Variants in C2orf76 observed in about 807,000 individuals in gnomAD.
The protein encoded by C2orf76 is chromosome 2 open reading frame 76.
Under a neutral mutation model 16.9 loss-of-function variants are expected in C2orf76, and 23 were observed. The ratio of observed to expected loss-of-function variants is 1.36; its 90% CI spans 0.98 to 1.93. The LOEUF is 1.93. C2orf76 is among the 30% of genes most tolerant of loss of function. The pLI is 0.00. For synonymous variants in C2orf76, 48 were observed against 52.3 expected (o/e 0.92, Z 0.35); for missense variants, 152 against 152.6 (o/e 1.00, Z 0.02).
chr2:119,319,230 A>G (rs562450360), intron 3 of C2orf76, among the ~76,000 whole-genome samples: 1 of 152,328 alleles, frequency 6.6e-6, no homozygotes, highest in African/African-American at 2.4e-5. Flanking sequence ...TGGCAAACAC[A>G]CAATTAAACG....
the C2orf76 span, among the ~76,000 whole-genome samples, chr2:119,282,907 C>G: frequency 6.6e-6 from 1 of 152,352 alleles, no homozygotes; most frequent in African/African-American, 2.4e-5. Flanking sequence ...CTTCAAAACT[C>G]AAGGCTGCGG....
At chr2:119,298,457 CATT>C (rs1247351721), downstream of C2orf76, among the ~76,000 whole-genome samples, 5 of 151,528 alleles carry the variant, frequency 3.3e-5, no homozygotes, top group Non-Finnish European at 7.4e-5. Context: ...AGTTCTGTAT[CATT>C]ACCAACTTGT....
At chr2:119,304,981 C>A (rs1010504008) in intron 5 of C2orf76, among the ~76,000 whole-genome samples, 1 of 152,132 alleles carries the variant, frequency 6.6e-6, no homozygotes, top group African/African-American at 2.4e-5. Context: ...GGGGATGAAC[C>A]CTCAGGAAGT....
intron 1 of C2orf76, among the ~76,000 whole-genome samples, chr2:119,343,449 C>A (rs1227824003): frequency 2.0e-5 from 3 of 147,924 alleles, no homozygotes; most frequent in Non-Finnish European, 4.4e-5. Flanking sequence ...CCCTCCCATA[C>A]ACACGCATAT....
chr2:119,301,128 C>A (rs1242511073), downstream of C2orf76, among the ~76,000 whole-genome samples: 6 of 146,694 alleles, frequency 4.1e-5, no homozygotes, highest in Non-Finnish European at 7.4e-5. Flanking sequence ...CAACAATGCT[C>A]TGATGGCAGC....
chr2:119,287,701 T>C, the C2orf76 span, among the ~76,000 whole-genome samples: 1 of 152,190 alleles, frequency 6.6e-6, no homozygotes, highest in African/African-American at 2.4e-5. Context: ...TTAACTGACA[T>C]GAAGTTCTGG....
intron 2 of C2orf76, among the ~76,000 whole-genome samples, chr2:119,330,152 C>G (rs1679627364): frequency 1.3e-5 from 2 of 152,142 alleles, no homozygotes; most frequent in South Asian, 4.1e-4. Flanking sequence ...GGAGGGCAGA[C>G]CACTTGAGGT....
chr2:119,306,798 T>C (rs1309213053), intron 5 of C2orf76, among the ~76,000 whole-genome samples: 1 of 151,784 alleles, frequency 6.6e-6, no homozygotes, highest in Non-Finnish European at 1.5e-5. Flanking sequence ...AAAACTCCAC[T>C]GACGTCAGGT....
intron 3 of C2orf76, among the ~76,000 whole-genome samples, chr2:119,317,753 T>G (rs56195950): frequency 0.019 from 2,882 of 152,284 alleles, 84 homozygotes; most frequent in African/African-American, 0.064. Flanking sequence ...CAGAACTTTT[T>G]GTCAACTCAG....
intron 1 of C2orf76, chr2:119,366,270 C>T (rs1300606990): frequency 1.1e-5 from 4 of 378,964 alleles, no homozygotes; most frequent in African/African-American, 8.4e-5. Flanking sequence ...AACAGCCATT[C>T]ATTTAACAAA....
At chr2:119,302,593 TAAA>T in intron 5 of C2orf76, 45 bp from the exon 6 acceptor site, 1 of 1,216,452 alleles carries the variant, frequency 8.2e-7, no homozygotes, top group Non-Finnish European at 1.1e-6. Context: ...AATGTAAATC[TAAA>T]TTTTAAACAA....
intron 1 of C2orf76, among the ~76,000 whole-genome samples, chr2:119,342,063 A>G (rs1680048243): frequency 6.6e-6 from 1 of 152,214 alleles, no homozygotes. Context: ...TAACATTAAT[A>G]GCAGTGTAAT....
intron 2 of C2orf76, among the ~76,000 whole-genome samples, chr2:119,332,276 C>G (rs541414698): frequency 3.9e-4 from 43 of 109,442 alleles, no homozygotes; most frequent in African/African-American, 1.2e-3. Flanking sequence ...AGCATAAACA[C>G]CTAAAGGAAA....
rs144342634 is a variant in C2orf76 at position 119,346,879 on chromosome 2, A to C, written c.-12-6908T>G. Among the ~76,000 whole-genome samples the C allele has an allele frequency of 3.2e-3, 481 of 152,348 alleles. 2 individuals carry two copies. The highest frequency in any genetic ancestry group is 0.011 in the African/African-American group (460 of 41,574). On this transcript the variant is annotated intron_variant, in intron 1 of 5. Transcript: ENST00000334816. The stretch of plus-strand genomic sequence containing the variant: ...TATCAATTTCAATTTCCCGGCTGTA[A>C]AATTGGACTATACTCAAGCAAGGTG...
At chr2:119,363,217 G>A (rs1274444855) in intron 1 of C2orf76, among the ~76,000 whole-genome samples, 1 of 152,122 alleles carries the variant, frequency 6.6e-6, no homozygotes, top group Non-Finnish European at 1.5e-5. Flanking sequence ...GAGGTCAGGA[G>A]ATCGAGACCA....
intron 1 of C2orf76, among the ~76,000 whole-genome samples, chr2:119,351,329 C>T (rs796839792): frequency 6.6e-5 from 10 of 152,250 alleles, no homozygotes; most frequent in African/African-American, 2.2e-4. Flanking sequence ...CTTGACTGCA[C>T]GTCTGCGCTA....
intron 4 of C2orf76, among the ~76,000 whole-genome samples, chr2:119,312,823 C>T (rs1679039156): frequency 6.6e-6 from 1 of 151,808 alleles, no homozygotes; most frequent in East Asian, 1.9e-4. Flanking sequence ...GTCAGGAGAT[C>T]GAGACCATCC....
At chr2:119,322,328 C>T (rs941363614) in intron 2 of C2orf76, among the ~76,000 whole-genome samples, 2 of 151,962 alleles carry the variant, frequency 1.3e-5, no homozygotes, top group Admixed American at 6.6e-5. Context: ...TGCATCAACC[C>T]CCCAAGTAGC....
At chr2:119,294,375 T>A in the C2orf76 span, among the ~76,000 whole-genome samples, 1 of 151,928 alleles carries the variant, frequency 6.6e-6, no homozygotes, top group Non-Finnish European at 1.5e-5. Context: ...GAGAACTCGG[T>A]TCAGGAATTT....
Sources: allele counts gnomAD v4.1 joint callset (sites outside exome capture counted in the v4.1 genomes callset), GRCh38; gene constraint gnomAD v4.1.1; transcripts MANE v1.5; gene names NCBI Gene and HGNC (gene_info 2026-07-23, HGNC 2026-07-21).